Variants in SLCO5A1 observed in about 807,000 individuals in gnomAD.
SLCO5A1 encodes the protein solute carrier organic anion transporter family member 5A1, also known as organic anion transporter polypeptide-related protein 4.
SLCO5A1 carries 39 observed loss-of-function variants against 65.1 expected under a neutral mutation model. That is an observed-to-expected ratio of 0.60 (90% CI 0.46 to 0.78). The LOEUF (loss-of-function observed/expected upper bound fraction) is 0.78, where lower values mean the gene tolerates loss of function less well. Among genes scored for constraint, SLCO5A1 ranks in the 30% least tolerant of loss-of-function variants. The probability of loss-of-function intolerance (pLI) is 0.00; values close to 1 mark genes in which losing one functional copy is unlikely to be tolerated. For synonymous variants in SLCO5A1, 438 were observed against 415.7 expected (o/e 1.05, Z -0.65); for missense variants, 1,029 against 1,069.4 (o/e 0.96, Z 0.53).
intron 2 of SLCO5A1, among the ~76,000 whole-genome samples, chr8:69,771,797 A>T (rs1292400640): frequency 6.6e-6 from 1 of 152,250 alleles, no homozygotes; most frequent in African/African-American, 2.4e-5. Context: ...CTCACTTGGC[A>T]CATGGCATGT....
rs992830269 is a variant in SLCO5A1, at chr8:69,679,725, T to A, written c.1783-106A>T. ...AAAGTACTCTAAAATAGCTCAAATA[T>A]TTTTTCAAACACAAAATATTTCATT... On this transcript the variant is annotated intron_variant, in intron 7 of 9. Transcript: ENST00000260126. 1.5e-5 allele frequency: 22 copies of A among 1,467,030 alleles called. No individual in the cohort carries two copies. In the African/African-American group the frequency reaches 2.5e-4, roughly 17 times the overall value. The allele number at this position is 1,467,030 out of a possible 1,614,324, so 90.9% of individuals were successfully genotyped here. A position where few individuals can be genotyped will look rare whatever the true frequency, so the allele number is the denominator to read the frequency against.
At chr8:69,744,856 T>G (rs1302686763) in intron 4 of SLCO5A1, among the ~76,000 whole-genome samples, 1 of 152,210 alleles carries the variant, frequency 6.6e-6, no homozygotes, top group Non-Finnish European at 1.5e-5. Context: ...TGGTCCACAG[T>G]GGTGAACTCA....
rs1282922120 is a variant in SLCO5A1, at chr8:69,670,959, G to C, written c.*1910C>G. The C allele has an allele frequency of 2.0e-5, 3 of 152,238 alleles. No homozygotes were observed. Among genetic ancestry groups the C allele is most frequent in the African/African-American group, 7.2e-5 (3 of 41,448 alleles). 9.4% of individuals were successfully genotyped at this position (152,238 alleles called of 1,614,324 possible). The stretch of plus-strand genomic sequence containing the variant: ...AAGGAGACACTAGTTCAATCAGCAA[G>C]GTTTTCTTAATCAGCAAGATTTTTT... On this transcript the variant is annotated 3_prime_UTR_variant, in exon 10 of 10. Transcript: ENST00000260126.
rs146226032 is a variant in SLCO5A1 at position 69,823,780 on chromosome 8, T to C, written c.907+7987A>G. Among the ~76,000 whole-genome samples, 355 of 152,294 alleles carry C rather than the reference T, an allele frequency of 2.3e-3. 2 individuals carry two copies. Among genetic ancestry groups the C allele is most frequent in the African/African-American group, 8.1e-3 (335 of 41,554 alleles). ...TCAGCTCTGCACCAAGCAGACCGAA[T>C]AGACATCTGCAGAACTCTCCACCCC... On this transcript the variant is annotated intron_variant, in intron 2 of 9. Coordinates refer to ENST00000260126, the MANE Select transcript of SLCO5A1 (RefSeq NM_030958.3).
intron 6 of SLCO5A1, among the ~76,000 whole-genome samples, chr8:69,696,238 C>G (rs1326608169): frequency 5.3e-5 from 8 of 152,156 alleles, no homozygotes; most frequent in Non-Finnish European, 1.0e-4. Context: ...TGAGAACACA[C>G]TTGAAATAAA....
intron 2 of SLCO5A1, among the ~76,000 whole-genome samples, chr8:69,790,764 A>C (rs1391753060): frequency 6.6e-6 from 1 of 152,360 alleles, no homozygotes; most frequent in Admixed American, 6.5e-5. Flanking sequence ...CTAAAAACAA[A>C]AAGAATCAAG....
chr8:69,746,103 ATAT>A (rs973241209), intron 4 of SLCO5A1, among the ~76,000 whole-genome samples: 1 of 152,160 alleles, frequency 6.6e-6, no homozygotes, highest in Non-Finnish European at 1.5e-5. Context: ...AGGACTTAAC[ATAT>A]TAATATTGTG....
chr8:69,829,041 C>T (rs746810558), intron 2 of SLCO5A1, among the ~76,000 whole-genome samples: 6 of 152,112 alleles, frequency 3.9e-5, no homozygotes, highest in Non-Finnish European at 8.8e-5. Flanking sequence ...TTACACAGAG[C>T]CCAGGTATCA....
At chr8:69,743,134 G>A (rs924306330) in intron 4 of SLCO5A1, among the ~76,000 whole-genome samples, 3 of 152,130 alleles carry the variant, frequency 2.0e-5, no homozygotes, top group African/African-American at 7.2e-5. Flanking sequence ...ATAAGGGATG[G>A]TGTTTAGGAG....
intron 4 of SLCO5A1, among the ~76,000 whole-genome samples, chr8:69,753,282 C>T (rs368183459): frequency 3.9e-5 from 6 of 152,232 alleles, no homozygotes; most frequent in South Asian, 2.1e-4. Context: ...GCAGGAGCTG[C>T]GGTGTTCATC....
At chr8:69,825,889 C>T (rs1321496317) in intron 2 of SLCO5A1, among the ~76,000 whole-genome samples, 27 of 151,984 alleles carry the variant, frequency 1.8e-4, no homozygotes, top group Admixed American at 3.9e-4. Flanking sequence ...ATACTACAAG[C>T]CTACAGTAAC....
At chr8:69,690,479 G>T (rs1814212315) in intron 6 of SLCO5A1, among the ~76,000 whole-genome samples, 1 of 152,220 alleles carries the variant, frequency 6.6e-6, no homozygotes, top group South Asian at 2.1e-4. Context: ...TGGTTTGAAT[G>T]ATATAATTGA....
chr8:69,667,563 A>G lies in SLCO5A1; in HGVS notation c.*5306T>C. On this transcript the variant is annotated 3_prime_UTR_variant, in exon 10 of 10. Transcript: ENST00000260126. ...TTTCATTTCTAGATACAAACTTTAA[A>G]CCTCTTTTGTTCACCCCTTTGGTTT... 6.6e-6 allele frequency: 1 copy of G among 151,920 alleles called. No individual in the cohort carries two copies. Among genetic ancestry groups the G allele is most frequent in the Admixed American group, 6.6e-5 (1 of 15,266 alleles). 9.4% of individuals were successfully genotyped at this position (151,920 alleles called of 1,614,324 possible).
chr8:69,812,160 A>G (rs1820230999), intron 2 of SLCO5A1, among the ~76,000 whole-genome samples: 1 of 152,192 alleles, frequency 6.6e-6, no homozygotes, highest in African/African-American at 2.4e-5. Flanking sequence ...GTGTTAAAGA[A>G]ACCCTAAAAC....
intron 6 of SLCO5A1, among the ~76,000 whole-genome samples, chr8:69,704,649 G>T (rs967806617): frequency 6.6e-6 from 1 of 152,188 alleles, no homozygotes; most frequent in Non-Finnish European, 1.5e-5. Flanking sequence ...GAGGACTTGG[G>T]TAAGAGCAAG....
intron 2 of SLCO5A1, among the ~76,000 whole-genome samples, chr8:69,812,595 C>T (rs1030861572): frequency 2.0e-5 from 3 of 152,178 alleles, no homozygotes; most frequent in African/African-American, 7.2e-5. Context: ...TCCCTGACAA[C>T]AATGGCTCTA....
intron 2 of SLCO5A1, among the ~76,000 whole-genome samples, chr8:69,824,933 T>A (rs1010376424): frequency 6.6e-6 from 1 of 152,058 alleles, no homozygotes; most frequent in African/African-American, 2.4e-5. Context: ...TCCACCGTGA[T>A]CAAGTGGGCT....
At chr8:69,748,369 G>C (rs1014258568) in intron 4 of SLCO5A1, among the ~76,000 whole-genome samples, 1 of 152,154 alleles carries the variant, frequency 6.6e-6, no homozygotes, top group Non-Finnish European at 1.5e-5. Flanking sequence ...GCTGAGTATA[G>C]AGAAAGAGCT....
chr8:69,772,460 G>A (rs1418018461), intron 2 of SLCO5A1, among the ~76,000 whole-genome samples: 1 of 151,530 alleles, frequency 6.6e-6, no homozygotes, highest in African/African-American at 2.4e-5. Context: ...GGGGTGATGG[G>A]GGTTGAGGCT....
Sources: allele counts gnomAD v4.1 joint callset (sites outside exome capture counted in the v4.1 genomes callset), GRCh38; gene constraint gnomAD v4.1.1; transcripts MANE v1.5; gene names NCBI Gene and HGNC (gene_info 2026-07-23, HGNC 2026-07-21).